GABRG3: variants seen among roughly 807,000 people sequenced by gnomAD.
GABRG3 encodes the protein gamma-aminobutyric acid receptor subunit gamma-3.
Under a neutral mutation model 48.8 loss-of-function variants are expected in GABRG3, and 25 were observed. That is an observed-to-expected ratio of 0.51 (90% CI 0.37 to 0.72). GABRG3 has a LOEUF of 0.72. Ranked by LOEUF, GABRG3 falls within the 30% of genes least tolerant of loss-of-function variation. The pLI is 0.00. For missense variants in GABRG3, 394 were observed against 577.9 expected (o/e 0.68, Z 3.26); for synonymous variants, 227 against 217.6 (o/e 1.04, Z -0.38).
At chr15:27,142,036 A>T (rs1898113303) in intron 3 of GABRG3, among the ~76,000 whole-genome samples, 1 of 152,194 alleles carries the variant, frequency 6.6e-6, no homozygotes, top group South Asian at 2.1e-4. Context: ...AAGTTTTTAC[A>T]CATTCACCTT....
intron 3 of GABRG3, among the ~76,000 whole-genome samples, chr15:27,311,811 C>T (rs980751934): frequency 1.3e-5 from 2 of 151,794 alleles, no homozygotes; most frequent in Admixed American, 6.6e-5. Context: ...CACAAAGGTC[C>T]AAGAGGCTCC....
At chr15:27,190,910 G>A (rs1344191078) in intron 3 of GABRG3, among the ~76,000 whole-genome samples, 5 of 152,040 alleles carry the variant, frequency 3.3e-5, no homozygotes, top group African/African-American at 1.2e-4. Flanking sequence ...GTGTCCCAGA[G>A]ATTCTGATAT....
rs527303276 is a variant in GABRG3 at position 27,541,010 on chromosome 15, A to G, written c.*8129A>G. The G allele has an allele frequency of 6.6e-6, 1 of 152,370 alleles. No homozygotes were observed. The highest frequency in any genetic ancestry group is 2.4e-5 in the African/African-American group (1 of 41,582). The allele number at this position is 152,370 out of a possible 1,614,324, so 9.4% of individuals were successfully genotyped here. A position where few individuals can be genotyped will look rare whatever the true frequency, so the allele number is the denominator to read the frequency against. On this transcript the variant is annotated 3_prime_UTR_variant, in exon 10 of 10. Transcript: ENST00000615808. ...AAAAAGGAGCAAGGGAGAGGGAGAAAGAGAGGACAGAGGGAGAGAGAGAAA... is the reference window on the plus strand; with the variant it reads ...AAAAAGGAGCAAGGGAGAGGGAGAAGGAGAGGACAGAGGGAGAGAGAGAAA...
intron 2 of GABRG3, among the ~76,000 whole-genome samples, chr15:27,005,786 C>G (rs548176944): frequency 6.6e-6 from 1 of 152,290 alleles, no homozygotes; most frequent in Non-Finnish European, 1.5e-5. Context: ...AGCTGCAAGT[C>G]TGACCTAGAT....
chr15:27,136,161 A>G (rs1180102864), intron 3 of GABRG3, among the ~76,000 whole-genome samples: 1 of 152,182 alleles, frequency 6.6e-6, no homozygotes, highest in Non-Finnish European at 1.5e-5. Flanking sequence ...GGGTGCTATG[A>G]ACATGAATTA....
chr15:27,523,744 A>G (rs1189974562), intron 7 of GABRG3, among the ~76,000 whole-genome samples: 1 of 152,002 alleles, frequency 6.6e-6, no homozygotes, highest in African/African-American at 2.4e-5. Flanking sequence ...GGATGTGCTT[A>G]ACAAAAGAAG....
rs1019376502 is a variant in GABRG3, at chr15:27,430,989, C to CAGTA, written c.575-49660_575-49659insGTAA. Among the ~76,000 whole-genome samples the CAGTA allele has an allele frequency of 6.4e-5, 9 of 141,216 alleles. No individual in the cohort carries two copies. In the East Asian group the frequency reaches 1.3e-3, roughly 20 times the overall value. 92.6% of individuals were successfully genotyped at this position (141,216 alleles called of 152,430 possible). A position where few individuals can be genotyped will look rare whatever the true frequency, so the allele number is the denominator to read the frequency against. Reference sequence around the variant, plus strand: ...TGGGTGACAGAGCAAGTCCCTGTCTCAATAAATAAATAAATAAATAAATAA... The same window carrying CAGTA: ...TGGGTGACAGAGCAAGTCCCTGTCTCAGTAAATAAATAAATAAATAAATAAATAA... On this transcript the variant is annotated intron_variant, in intron 5 of 9. Transcript: ENST00000615808.
In GABRG3 at chr15:27,264,994, C is replaced by A. The variant is rs182328471; in HGVS notation, c.271-61815C>A. On this transcript the variant is annotated intron_variant, in intron 3 of 9. Transcript: ENST00000615808. ...CTATTCCTCTAATTTCTACAATTAA[C>A]CCTAGTTCTCACCATTATAATCATC... 5.0e-3 allele frequency among the ~76,000 whole-genome samples: 761 copies of A among 152,192 alleles called. 6 individuals are homozygous for A. Among genetic ancestry groups the A allele is most frequent in the African/African-American group, 0.018 (732 of 41,528 alleles).
chr15:27,209,458 C>T (rs1335658441), intron 3 of GABRG3, among the ~76,000 whole-genome samples: 2 of 151,898 alleles, frequency 1.3e-5, no homozygotes, highest in Admixed American at 6.6e-5. Context: ...GGCGCTATCC[C>T]GGCCCGGCCG....
chr15:27,392,091 C>T (rs529510148), intron 5 of GABRG3, among the ~76,000 whole-genome samples: 6 of 152,334 alleles, frequency 3.9e-5, no homozygotes, highest in Non-Finnish European at 7.3e-5. Context: ...ACTGTGAAGA[C>T]AGCACAGCAT....
intron 3 of GABRG3, among the ~76,000 whole-genome samples, chr15:27,092,803 C>T (rs893524492): frequency 6.6e-6 from 1 of 152,114 alleles, no homozygotes; most frequent in Non-Finnish European, 1.5e-5. Context: ...GAATGGAATT[C>T]ACAGAAGTCC....
intron 3 of GABRG3, among the ~76,000 whole-genome samples, chr15:27,242,282 A>G (rs972415823): frequency 6.6e-6 from 1 of 152,190 alleles, no homozygotes; most frequent in African/African-American, 2.4e-5. Flanking sequence ...GTTTTATAAG[A>G]GTTCCCTTAT....
At chr15:27,268,165 C>T (rs1890978086) in intron 3 of GABRG3, among the ~76,000 whole-genome samples, 1 of 152,068 alleles carries the variant, frequency 6.6e-6, no homozygotes, top group African/African-American at 2.4e-5. Flanking sequence ...GTCATCTTGA[C>T]ATGGAGTTTT....
At chr15:27,504,703 C>CAA (rs753076223) in intron 6 of GABRG3, among the ~76,000 whole-genome samples, 20,275 of 150,854 alleles carry the variant, frequency 0.13, 2,688 homozygotes, top group African/African-American at 0.35. Flanking sequence ...CTTTTTTTTT[C>CAA]TTCCCCCACC....
chr15:27,174,858 T>C (rs1887695975), intron 3 of GABRG3, among the ~76,000 whole-genome samples: 1 of 152,088 alleles, frequency 6.6e-6, no homozygotes, highest in Non-Finnish European at 1.5e-5. Flanking sequence ...GTTGATCCTC[T>C]AAAAGGGACT....
chr15:27,411,360 G>C (rs1337463741), intron 5 of GABRG3, among the ~76,000 whole-genome samples: 1 of 152,108 alleles, frequency 6.6e-6, no homozygotes, highest in African/African-American at 2.4e-5. Flanking sequence ...CCCGCTACTT[G>C]TTGCTAGGCT....
chr15:27,087,537 C>A (rs950601602), intron 3 of GABRG3, among the ~76,000 whole-genome samples: 2 of 152,144 alleles, frequency 1.3e-5, no homozygotes, highest in Non-Finnish European at 2.9e-5. Flanking sequence ...GTGATAAAGT[C>A]TTTGTGGAAA....
In GABRG3 at chr15:27,533,458, C is replaced by G. The variant is rs1891478000; in HGVS notation, c.*577C>G. On this transcript the variant is annotated 3_prime_UTR_variant, in exon 10 of 10. Coordinates refer to ENST00000615808, the MANE Select transcript of GABRG3 (RefSeq NM_033223.5). ...TAGCTGGCACTCCTTTACCTAATAA[C>G]CTCGTTCTAGGCCTGGGGAGAGTAC... 6.5e-6 allele frequency: 1 copy of G among 153,306 alleles called. No homozygotes were observed. The highest frequency in any genetic ancestry group is 1.5e-5 in the Non-Finnish European group (1 of 68,906). 9.5% of individuals were successfully genotyped at this position (153,306 alleles called of 1,614,324 possible). A position where few individuals can be genotyped will look rare whatever the true frequency, so the allele number is the denominator to read the frequency against.
intron 3 of GABRG3, chr15:27,295,281 A>G (rs1891943787): frequency 6.6e-6 from 1 of 152,170 alleles, no homozygotes. Context: ...GGAGTGGGAA[A>G]GTACATGGTT....
Sources: gnomAD v4.1 joint callset for allele counts (sites outside exome capture counted in the v4.1 genomes callset) on GRCh38, gnomAD v4.1.1 for gene constraint, MANE v1.5 for transcripts, NCBI Gene and HGNC (gene_info 2026-07-23, HGNC 2026-07-21) for gene names.